MAD1L1: variants seen among roughly 807,000 people sequenced by gnomAD.
MAD1L1 encodes mitotic arrest deficient 1 like 1, also known as mitotic spindle assembly checkpoint protein MAD1.
MAD1L1 carries 95 observed loss-of-function variants against 96.9 expected under a neutral mutation model. The ratio of observed to expected loss-of-function variants is 0.98; its 90% CI spans 0.83 to 1.16. The LOEUF is 1.16. Among genes scored for constraint, MAD1L1 ranks in the 50% most tolerant of loss-of-function variants. The probability of loss-of-function intolerance (pLI) is 0.00; values close to 1 mark genes in which losing one functional copy is unlikely to be tolerated. For synonymous variants in MAD1L1, 473 were observed against 396.6 expected (o/e 1.19, Z -2.29); for missense variants, 1,007 against 954.4 (o/e 1.06, Z -0.73).
chr7:2,160,694 A>G (rs1375989200), intron 10 of MAD1L1, among the ~76,000 whole-genome samples: 1 of 151,870 alleles, frequency 6.6e-6, no homozygotes, highest in Non-Finnish European at 1.5e-5. Context: ...GTGCAGTGAC[A>G]TGACCTCAGC....
chr7:2,077,036 G>A (rs972653143), intron 11 of MAD1L1, among the ~76,000 whole-genome samples: 4 of 148,342 alleles, frequency 2.7e-5, no homozygotes, highest in Non-Finnish European at 5.9e-5. Context: ...CCGAGACAGA[G>A]TTACGACTTG....
intron 16 of MAD1L1, among the ~76,000 whole-genome samples, chr7:1,938,987 G>GCGCACACACA (rs1319606949): frequency 3.4e-5 from 4 of 119,216 alleles, no homozygotes; most frequent in East Asian, 2.8e-4. Context: ...GGGACCAGAG[G>GCGCACACACA]CGCACACACA....
At chr7:1,900,057 C>T (rs1390401542) in intron 17 of MAD1L1, among the ~76,000 whole-genome samples, 2 of 152,208 alleles carry the variant, frequency 1.3e-5, no homozygotes, top group African/African-American at 2.4e-5. Flanking sequence ...GATCACGTGC[C>T]GGAGGCCACC....
Position 2,002,244 on chromosome 7 carries a change from G to C in MAD1L1, c.1360-123C>G. 3 of 974,842 alleles carry C rather than the reference G, an allele frequency of 3.1e-6. No individual in the cohort carries two copies. The South Asian group carries it at 4.2e-5, about 14-fold the overall frequency. The allele number at this position is 974,842 out of a possible 1,614,324, so 60.4% of individuals were successfully genotyped here. Reference sequence around the variant, plus strand: ...CTCTCTGGGGAGCAACGGGACCCAGGAGCTGGGAAGTGGGCAGCCAGAGGG... The same window carrying C: ...CTCTCTGGGGAGCAACGGGACCCAGCAGCTGGGAAGTGGGCAGCCAGAGGG... On this transcript the variant is annotated intron_variant, in intron 13 of 18. Transcript: ENST00000265854.
intron 11 of MAD1L1, among the ~76,000 whole-genome samples, chr7:2,132,356 G>T (rs553501262): frequency 6.6e-6 from 1 of 152,046 alleles, no homozygotes; most frequent in African/African-American, 2.4e-5. Context: ...TTAGACGAAC[G>T]CATGTCTGCA....
rs776516066 is a variant in MAD1L1, at chr7:2,217,976, C to T, written c.664G>A (p.Glu222Lys). 8 of 1,613,816 alleles carry T rather than the reference C, an allele frequency of 5.0e-6. No homozygotes were observed. Among genetic ancestry groups the T allele is most frequent in the Middle Eastern group, 1.7e-4 (1 of 6,056 alleles). The change falls in exon 7 of 19, where the codon GAG (glutamate) becomes AAG (lysine). Residue 222 changes from glutamate to lysine, a missense_variant. Coordinates refer to ENST00000265854, the MANE Select transcript of MAD1L1 (RefSeq NM_001013836.2). ...GAGTGACTCACCTTAATCTGCTGCT[C>T]GTGGTCTGCTCTTGCTTCTTGGCTG... ...QASQEARADHEQQIKDLEQKL... is the reference protein window; with the variant it reads ...QASQEARADHKQQIKDLEQKL...
chr7:1,893,300 G>A (rs12113633), intron 18 of MAD1L1, among the ~76,000 whole-genome samples: 9 of 110,340 alleles, frequency 8.2e-5, no homozygotes, highest in South Asian at 4.0e-4. Flanking sequence ...TGGCTGGGAT[G>A]GGAAGCAGAG....
intron 17 of MAD1L1, among the ~76,000 whole-genome samples, chr7:1,922,539 T>C (rs1005010892): frequency 6.6e-6 from 1 of 152,218 alleles, no homozygotes; most frequent in Admixed American, 6.5e-5. Flanking sequence ...GTGAACTCGC[T>C]CGACTCGTTT....
chr7:1,887,638 T>A (rs1011594664), intron 18 of MAD1L1, among the ~76,000 whole-genome samples: 14 of 149,654 alleles, frequency 9.4e-5, no homozygotes, highest in Middle Eastern at 3.5e-3. Context: ...TGTGTGTGCA[T>A]GCATGCATGT....
rs984364937 is a variant in MAD1L1 at position 2,142,423 on chromosome 7, G to A, written c.1073+6729C>T. ...CCAGGCATGGTCCGGGGCTGCGGGA[G>A]AAACTCTTGGGACCAGCCCCACATG... is the stretch of plus-strand genomic sequence containing the variant. On this transcript the variant is annotated intron_variant, in intron 11 of 18. Coordinates refer to ENST00000265854, the MANE Select transcript of MAD1L1 (RefSeq NM_001013836.2). This position sits in a 1 kb window ranked among gnomAD's most constrained non-coding sequence, Gnocchi z 4.7. Among the ~76,000 whole-genome samples, 2 of 152,238 alleles carry A rather than the reference G, an allele frequency of 1.3e-5. No homozygotes were observed. The highest frequency in any genetic ancestry group is 4.8e-5 in the African/African-American group (2 of 41,466).
At chr7:1,826,072 G>A (rs988440135) in intron 18 of MAD1L1, among the ~76,000 whole-genome samples, 52 of 150,372 alleles carry the variant, frequency 3.5e-4, no homozygotes, top group African/African-American at 1.3e-3. Context: ...AGCCTGCCGG[G>A]TACAGCGTGA....
At chr7:2,067,743 G>A (rs1024327355) in intron 12 of MAD1L1, among the ~76,000 whole-genome samples, 37 of 152,326 alleles carry the variant, frequency 2.4e-4, no homozygotes, top group Admixed American at 3.3e-4. Context: ...CTCTCCCTCC[G>A]CCGTGGTTCT....
At chr7:2,096,431 C>T (rs1463196699) in intron 11 of MAD1L1, among the ~76,000 whole-genome samples, 1 of 152,204 alleles carries the variant, frequency 6.6e-6, no homozygotes, top group South Asian at 2.1e-4. Flanking sequence ...GCGGACTCGG[C>T]TTTCACTCTC....
At chr7:2,232,210 C>A (rs1324035417) in intron 1 of MAD1L1, among the ~76,000 whole-genome samples, 5 of 152,262 alleles carry the variant, frequency 3.3e-5, no homozygotes, top group Non-Finnish European at 7.3e-5. Context: ...ACTTCTGCAG[C>A]TGCACAGTTT....
intron 5 of MAD1L1, chr7:2,220,832 C>T (rs750503311): frequency 6.5e-6 from 10 of 1,532,724 alleles, no homozygotes; most frequent in Non-Finnish European, 8.8e-6. Flanking sequence ...TAAAAACATA[C>T]TAACAATAAA....
At chr7:1,906,688 G>A (rs1466158216) in intron 17 of MAD1L1, among the ~76,000 whole-genome samples, 1 of 152,232 alleles carries the variant, frequency 6.6e-6, no homozygotes, top group African/African-American at 2.4e-5. Flanking sequence ...GGCCAGGCCT[G>A]TGCGCACTGT....
chr7:2,228,010 C>A (rs1247578710), intron 3 of MAD1L1, among the ~76,000 whole-genome samples: 2 of 149,524 alleles, frequency 1.3e-5, no homozygotes, highest in African/African-American at 4.9e-5. Flanking sequence ...CCCTGCCACG[C>A]CGGGGGCTCA....
chr7:1,889,449 G>A (rs116378036), intron 18 of MAD1L1, among the ~76,000 whole-genome samples: 1,906 of 152,348 alleles, frequency 0.013, 35 homozygotes, highest in African/African-American at 0.043. Context: ...CAGCAGCTCT[G>A]GACCCTAGGC....
chr7:2,134,742 T>C (rs1788674377), intron 11 of MAD1L1, among the ~76,000 whole-genome samples: 1 of 152,200 alleles, frequency 6.6e-6, no homozygotes, highest in African/African-American at 2.4e-5. Context: ...AGGACTAGTC[T>C]TGGATTTGTG....
Sources: gnomAD v4.1 joint callset for allele counts (sites outside exome capture counted in the v4.1 genomes callset) on GRCh38, gnomAD v4.1.1 for gene constraint, Gnocchi (gnomAD v3.1) non-coding constraint, MANE v1.5 for transcripts, NCBI Gene and HGNC (gene_info 2026-07-23, HGNC 2026-07-21) for gene names.